Variants in SIPA1L1 observed in about 807,000 individuals in gnomAD.
SIPA1L1 encodes the protein signal induced proliferation associated 1 like 1.
SIPA1L1 carries 26 observed loss-of-function variants against 162.7 expected under a neutral mutation model. The observed-to-expected ratio is 0.16, with a 90% confidence interval of 0.12 to 0.22. SIPA1L1 has a LOEUF of 0.22. SIPA1L1 is among the 10% of genes least tolerant of loss of function. The probability of loss-of-function intolerance (pLI) is 1.00; values close to 1 mark genes in which losing one functional copy is unlikely to be tolerated. For synonymous variants in SIPA1L1, 829 were observed against 837.4 expected (o/e 0.99, Z 0.17); for missense variants, 1,874 against 2,241.0 (o/e 0.84, Z 3.31).
chr14:71,360,628 C>T (rs1447380547), intron 2 of SIPA1L1, among the ~76,000 whole-genome samples: 2 of 152,282 alleles, frequency 1.3e-5, no homozygotes, highest in East Asian at 3.9e-4. Context: ...TTATGTCTTT[C>T]TCTTTTTATG....
Position 71,331,003 on chromosome 14 carries a change from T to A in SIPA1L1, c.-465+9822T>A, listed in dbSNP as rs77974710. Among the ~76,000 whole-genome samples the A allele has an allele frequency of 9.1e-3, 1,388 of 152,368 alleles. 22 individuals are homozygous for A. Among genetic ancestry groups the A allele is most frequent in the African/African-American group, 0.032 (1,332 of 41,582 alleles). On this transcript the variant is annotated intron_variant, in intron 2 of 23. Coordinates refer to ENST00000381232, the MANE Select transcript of SIPA1L1 (RefSeq NM_001386936.1). Reference sequence around the variant, plus strand: ...AAGTCCAAAGTAATGAAGCTTTTTCTTTATATTTTCTTCTGGAAGTTTTAT... The same window carrying A: ...AAGTCCAAAGTAATGAAGCTTTTTCATTATATTTTCTTCTGGAAGTTTTAT...
At chr14:71,609,476 T>G (rs189180870) in intron 5 of SIPA1L1, among the ~76,000 whole-genome samples, 2 of 150,190 alleles carry the variant, frequency 1.3e-5, no homozygotes, top group East Asian at 3.9e-4. Flanking sequence ...ATTTATTTAT[T>G]TATTTATTGA....
chr14:71,576,899 A>G (rs545033287), intron 4 of SIPA1L1, among the ~76,000 whole-genome samples: 4 of 152,248 alleles, frequency 2.6e-5, no homozygotes, highest in African/African-American at 9.6e-5. Flanking sequence ...CCTGGCCAAC[A>G]TGGTGAAACC....
At chr14:71,340,179 G>A (rs959991989) in intron 2 of SIPA1L1, among the ~76,000 whole-genome samples, 3 of 152,044 alleles carry the variant, frequency 2.0e-5, no homozygotes, top group African/African-American at 7.2e-5. Context: ...TGCTACTATA[G>A]TTTTAAGCAT....
intron 7 of SIPA1L1, among the ~76,000 whole-genome samples, chr14:71,638,660 G>T (rs1185038019): frequency 1.3e-5 from 2 of 152,180 alleles, no homozygotes; most frequent in African/African-American, 4.8e-5. Context: ...AGTCAGTGCA[G>T]TAAGGCAAGT....
At chr14:71,402,756 C>T (rs1439772830) in intron 2 of SIPA1L1, among the ~76,000 whole-genome samples, 2 of 152,044 alleles carry the variant, frequency 1.3e-5, no homozygotes, top group Non-Finnish European at 2.9e-5. Context: ...AGAATATGTG[C>T]CTGGCATATT....
intron 2 of SIPA1L1, among the ~76,000 whole-genome samples, chr14:71,456,580 G>A (rs909006803): frequency 7.9e-5 from 12 of 152,014 alleles, no homozygotes; most frequent in Non-Finnish European, 1.8e-4. Flanking sequence ...ATAATTATTG[G>A]CAACTCTATA....
intron 4 of SIPA1L1, among the ~76,000 whole-genome samples, chr14:71,551,807 C>T (rs1360291459): frequency 1.3e-5 from 2 of 152,252 alleles, no homozygotes; most frequent in Non-Finnish European, 1.5e-5. Context: ...TGCTCATGTC[C>T]CAGAGTCTTT....
chr14:71,471,700 G>C (rs763181741), intron 2 of SIPA1L1, among the ~76,000 whole-genome samples: 1 of 152,244 alleles, frequency 6.6e-6, no homozygotes, highest in Non-Finnish European at 1.5e-5. Flanking sequence ...TGGCTGTGTG[G>C]ATGGTAGTAG....
intron 16 of SIPA1L1, among the ~76,000 whole-genome samples, chr14:71,706,509 A>G (rs1021647248): frequency 1.3e-5 from 2 of 152,192 alleles, no homozygotes; most frequent in African/African-American, 4.8e-5. Context: ...TACACTCTTG[A>G]TACATCTCAA....
chr14:71,525,306 CT>C (rs1431578733), intron 3 of SIPA1L1, among the ~76,000 whole-genome samples: 1 of 152,090 alleles, frequency 6.6e-6, no homozygotes, highest in African/African-American at 2.4e-5. Context: ...CCTCAGCCCC[CT>C]GAGTAGCTGG....
At chr14:71,605,048 C>T (rs2037323613) in intron 5 of SIPA1L1, among the ~76,000 whole-genome samples, 1 of 152,108 alleles carries the variant, frequency 6.6e-6, no homozygotes, top group South Asian at 2.1e-4. Context: ...TATAATGTCT[C>T]ATGTCACATA....
intron 3 of SIPA1L1, among the ~76,000 whole-genome samples, chr14:71,523,778 A>G (rs2052594341): frequency 6.6e-6 from 1 of 152,108 alleles, no homozygotes; most frequent in African/African-American, 2.4e-5. Flanking sequence ...ATCACTATGG[A>G]CTTGTGGATG....
chr14:71,509,450 T>C lies in SIPA1L1; in HGVS notation c.-464-3293T>C, dbSNP rs762429623. On this transcript the variant is annotated intron_variant, in intron 2 of 23. Transcript: ENST00000381232. ...TTTTTGTAAGGTAGCATGAGCAATA[T>C]CAAGGAAACAAGCTGGGCACGGTGG... 9.2e-5 allele frequency among the ~76,000 whole-genome samples: 14 copies of C among 152,098 alleles called. No homozygotes were observed. The Middle Eastern group carries it at 0.014, about 148-fold the overall frequency.
intron 10 of SIPA1L1, among the ~76,000 whole-genome samples, chr14:71,666,501 T>C (rs1196115131): frequency 6.6e-6 from 1 of 152,168 alleles, no homozygotes; most frequent in Non-Finnish European, 1.5e-5. Flanking sequence ...GACACACTAT[T>C]TGATGAAATA....
At chr14:71,418,808 G>A (rs146393507) in intron 2 of SIPA1L1, among the ~76,000 whole-genome samples, 119 of 152,264 alleles carry the variant, frequency 7.8e-4, no homozygotes, top group African/African-American at 2.7e-3. Flanking sequence ...AAGGCCATAT[G>A]GTGGGTAAAG....
chr14:71,486,045 A>T (rs183493219), intron 2 of SIPA1L1, among the ~76,000 whole-genome samples: 2 of 152,210 alleles, frequency 1.3e-5, no homozygotes, highest in African/African-American at 4.8e-5. Context: ...CTGCCCAAAG[A>T]AAACATTGGA....
chr14:71,338,916 T>C (rs951373736), intron 2 of SIPA1L1, among the ~76,000 whole-genome samples: 1 of 151,980 alleles, frequency 6.6e-6, no homozygotes, highest in Admixed American at 6.6e-5. Context: ...CTTTTTGTAT[T>C]TTTAGCAGAG....
intron 3 of SIPA1L1, among the ~76,000 whole-genome samples, chr14:71,522,036 G>C (rs2052408188): frequency 6.6e-6 from 1 of 152,176 alleles, no homozygotes; most frequent in Admixed American, 6.5e-5. Flanking sequence ...TGTGTCTGTT[G>C]ATGGTAAAAT....
Sources: allele counts gnomAD v4.1 joint callset (sites outside exome capture counted in the v4.1 genomes callset), GRCh38; gene constraint gnomAD v4.1.1; transcripts MANE v1.5; gene names NCBI Gene and HGNC (gene_info 2026-07-23, HGNC 2026-07-21).